SPIDR: variants seen among roughly 807,000 people sequenced by gnomAD.
SPIDR encodes DNA repair-scaffolding protein.
SPIDR carries 93 observed loss-of-function variants against 104.6 expected under a neutral mutation model. The observed-to-expected ratio is 0.89, with a 90% CI of 0.75 to 1.06. The LOEUF (loss-of-function observed/expected upper bound fraction) is 1.06. SPIDR is among the 50% of genes least tolerant of loss of function. The pLI is 0.00. For synonymous variants in SPIDR, 431 were observed against 416.9 expected, an observed-to-expected ratio of 1.03 and a Z score of -0.41; for missense variants, 1,154 against 1,111.2, an observed-to-expected ratio of 1.04 and a Z score of -0.55.
intron 5 of SPIDR, among the ~76,000 whole-genome samples, chr8:47,370,435 C>A (rs2057834571): frequency 2.8e-5 from 4 of 142,420 alleles, no homozygotes; most frequent in African/African-American, 5.3e-5. Flanking sequence ...GTGAAGAGGT[C>A]AAGATTTTTT....
chr8:47,264,696 C>A (rs1011670690), intron 1 of SPIDR, among the ~76,000 whole-genome samples: 103 of 151,462 alleles, frequency 6.8e-4, no homozygotes, highest in African/African-American at 1.9e-3. Flanking sequence ...GTGGCCCGAT[C>A]TCGGCTCACT....
intron 5 of SPIDR, among the ~76,000 whole-genome samples, chr8:47,386,858 A>G (rs2059960843): frequency 6.6e-6 from 1 of 150,704 alleles, no homozygotes; most frequent in Non-Finnish European, 1.5e-5. Flanking sequence ...GAAAATAAGG[A>G]GGAAGTGGGG....
At position 47,595,843 on chromosome 8, in the gene SPIDR, C is replaced by T; in HGVS notation, c.1130C>T (p.Pro377Leu). ...CTGATTATTCCAAGTGGAAGTTGCC[C>T]TGTTATTCTGAATACTTACTTTTGT... ...QKLIIPSGSC[P>L]VILNTYFCEK... The change falls in exon 9 of 20, where the codon CCT becomes CTT. Residue 377 changes from proline (P) to leucine (L), a missense_variant. Transcript: ENST00000297423. The T allele has an allele frequency of 6.2e-7, 1 of 1,614,136 alleles. No homozygotes were observed. The highest frequency in any genetic ancestry group is 8.5e-7 in the Non-Finnish European group (1 of 1,180,016).
intron 5 of SPIDR, among the ~76,000 whole-genome samples, chr8:47,334,895 C>T (rs1444579496): frequency 6.6e-6 from 1 of 151,962 alleles, no homozygotes; most frequent in Non-Finnish European, 1.5e-5. Flanking sequence ...TAGTATATCC[C>T]TTACACTTCT....
chr8:47,487,552 A>G (rs926065534), intron 8 of SPIDR, among the ~76,000 whole-genome samples: 1 of 152,202 alleles, frequency 6.6e-6, no homozygotes, highest in African/African-American at 2.4e-5. Flanking sequence ...CAGAATATAC[A>G]TTCTTCCCAG....
chr8:47,293,713 G>A (rs973054613), intron 4 of SPIDR, among the ~76,000 whole-genome samples, 154 bp from the exon 5 acceptor site: 13 of 152,260 alleles, frequency 8.5e-5, no homozygotes, highest in African/African-American at 2.4e-4. Context: ...CTCCCAAAGC[G>A]CTAGGATTAC....
intron 8 of SPIDR, among the ~76,000 whole-genome samples, chr8:47,523,607 C>G (rs1249998977): frequency 6.6e-6 from 1 of 152,192 alleles, no homozygotes; most frequent in Non-Finnish European, 1.5e-5. Context: ...GAGTCTGTCT[C>G]CCTGCCGGCT....
chr8:47,680,177 T>C (rs1334195248), intron 11 of SPIDR, among the ~76,000 whole-genome samples: 1 of 152,206 alleles, frequency 6.6e-6, no homozygotes, highest in African/African-American at 2.4e-5. Flanking sequence ...TTATCACGGA[T>C]GGCAAGAGTG....
intron 5 of SPIDR, among the ~76,000 whole-genome samples, chr8:47,381,886 T>C (rs1234107606): frequency 2.0e-5 from 3 of 152,266 alleles, no homozygotes; most frequent in Non-Finnish European, 4.4e-5. Flanking sequence ...TGATTGGTTA[T>C]CTCAAATAAT....
intron 1 of SPIDR, 89 bp downstream of exon 1, chr8:47,261,080 G>T (rs1196584002): frequency 1.7e-6 from 2 of 1,201,216 alleles, no homozygotes; most frequent in African/African-American, 3.2e-5. Flanking sequence ...CGTTGTGCTG[G>T]GGTGAGAGAG....
At chr8:47,567,211 CTA>C (rs1179618304) in intron 8 of SPIDR, among the ~76,000 whole-genome samples, 1 of 149,560 alleles carries the variant, frequency 6.7e-6, no homozygotes. Context: ...GGAGGATAAA[CTA>C]TATATATATA....
chr8:47,729,559 C>G, intron 19 of SPIDR, 94 bp downstream of exon 19: 2 of 1,383,370 alleles, frequency 1.4e-6, no homozygotes, highest in South Asian at 1.3e-5. Flanking sequence ...CAAATGTGTT[C>G]TATTACAACC....
intron 8 of SPIDR, among the ~76,000 whole-genome samples, chr8:47,506,868 C>T (rs950519121): frequency 1.3e-5 from 2 of 152,118 alleles, no homozygotes; most frequent in East Asian, 1.9e-4. Flanking sequence ...CCCTCCAAAT[C>T]GATTGTTGTT....
chr8:47,666,170 TTATTTA>T (rs2154465890), intron 10 of SPIDR, among the ~76,000 whole-genome samples: 1 of 152,332 alleles, frequency 6.6e-6, no homozygotes, highest in South Asian at 2.1e-4. Flanking sequence ...CCACATGTGA[TTATTTA>T]TATTTAAACT....
rs1289379101 is a variant in SPIDR, at chr8:47,578,827, A to G, written c.1098-16984A>G. On this transcript the variant is annotated intron_variant, in intron 8 of 19. Coordinates refer to ENST00000297423, the MANE Select transcript of SPIDR (RefSeq NM_001080394.4). Reference sequence around the variant, plus strand: ...TACACTTGGGGAATTTTAAAGTAGCACATACAATCATAAATGCCAGTCTTT... The same window carrying G: ...TACACTTGGGGAATTTTAAAGTAGCGCATACAATCATAAATGCCAGTCTTT... Among the ~76,000 whole-genome samples, 9 of 152,236 alleles carry G rather than the reference A, an allele frequency of 5.9e-5. No homozygotes were observed. The South Asian group carries it at 1.9e-3, about 32-fold the overall frequency.
chr8:47,279,007 C>T (rs953214793), intron 1 of SPIDR, among the ~76,000 whole-genome samples: 11 of 152,072 alleles, frequency 7.2e-5, no homozygotes, highest in Non-Finnish European at 1.3e-4. Context: ...CTGGTTCAGC[C>T]TCCTGAGTAG....
At chr8:47,311,910 C>T (rs2044242436) in intron 5 of SPIDR, among the ~76,000 whole-genome samples, 1 of 152,088 alleles carries the variant, frequency 6.6e-6, no homozygotes. Flanking sequence ...TGATGTTCCC[C>T]TTCCTGTGTC....
At chr8:47,618,810 T>C (rs1190481787) in intron 10 of SPIDR, among the ~76,000 whole-genome samples, 1 of 152,210 alleles carries the variant, frequency 6.6e-6, no homozygotes, top group Non-Finnish European at 1.5e-5. Flanking sequence ...AAAAATGGGA[T>C]ACTATGCTGT....
chr8:47,554,461 T>C (rs1187576638), intron 8 of SPIDR, among the ~76,000 whole-genome samples: 2 of 152,114 alleles, frequency 1.3e-5, no homozygotes, highest in African/African-American at 2.4e-5. Context: ...CAGACGTCCC[T>C]CCCCCAGCCT....
Sources: allele counts gnomAD v4.1 joint callset (sites outside exome capture counted in the v4.1 genomes callset), GRCh38; gene constraint gnomAD v4.1.1; transcripts MANE v1.5; gene names NCBI Gene and HGNC (gene_info 2026-07-23, HGNC 2026-07-21).